TRIM55: variants seen among roughly 807,000 people sequenced by gnomAD.
TRIM55 encodes tripartite motif containing 55.
Under a neutral mutation model 60.9 loss-of-function variants are expected in TRIM55, and 50 were observed. The observed-to-expected ratio is 0.82, with a 90% confidence interval of 0.65 to 1.04. TRIM55 has a LOEUF of 1.04. Among genes scored for constraint, TRIM55 ranks in the 50% least tolerant of loss-of-function variants. The pLI is 0.00. For missense variants in TRIM55, 681 were observed against 666.9 expected, an observed-to-expected ratio of 1.02 and a Z score of -0.23; for synonymous variants, 237 against 238.1, an observed-to-expected ratio of 1.00 and a Z score of 0.04.
At chr8:66,127,083 C>G, upstream of TRIM55, 1 of 558,070 alleles carries the variant, frequency 1.8e-6, no homozygotes, top group Admixed American at 3.3e-5. Context: ...CCCACCGTCA[C>G]GTGACCGCAG....
chr8:66,169,147 C>A (rs186972467), intron 9 of TRIM55, among the ~76,000 whole-genome samples: 175 of 152,174 alleles, frequency 1.1e-3, no homozygotes, highest in African/African-American at 3.5e-3. Flanking sequence ...AAAATAATGC[C>A]CCCCCACAAA....
chr8:66,133,347 T>C, intron 2 of TRIM55, among the ~76,000 whole-genome samples: 1 of 151,854 alleles, frequency 6.6e-6, no homozygotes. Flanking sequence ...CAAATATTTA[T>C]GGAGCCACTG....
At chr8:66,174,368 ATTG>A in intron 9 of TRIM55, 100 bp from the exon 10 acceptor site, 1 of 860,168 alleles carries the variant, frequency 1.2e-6, no homozygotes, top group Non-Finnish European at 1.6e-6. Flanking sequence ...TATAATAATA[ATTG>A]TTATTATTAT....
intron 9 of TRIM55, among the ~76,000 whole-genome samples, chr8:66,156,479 G>A (rs1043127563): frequency 1.1e-4 from 17 of 152,088 alleles, no homozygotes; most frequent in Non-Finnish European, 2.4e-4. Flanking sequence ...CTTGATTGCT[G>A]TTATGAGGTT....
Position 66,154,198 on chromosome 8 carries a change from G to GCACC in TRIM55, c.1389_1390insACCC (p.Glu464ThrfsTer13). 4 of 1,614,122 alleles carry GCACC rather than the reference G, an allele frequency of 2.5e-6. No homozygotes were observed. Among genetic ancestry groups the GCACC allele is most frequent in the Non-Finnish European group, 2.5e-6 (3 of 1,180,018 alleles). ...ACCAACCCACCTTGCACCCCAGGGA[G>GCACC]CGAAGGTCTGGGGCAAATAGGGCCT... On this transcript the variant is annotated frameshift_variant, in exon 9 of 10. Transcript: ENST00000315962. LOFTEE classifies it high-confidence loss of function.
the TRIM55 span, among the ~76,000 whole-genome samples, chr8:66,114,091 C>CCG: frequency 1.5e-5 from 2 of 137,756 alleles, no homozygotes; most frequent in South Asian, 2.8e-4. Flanking sequence ...CACCCCCCCC[C>CCG]CCATTATTTT....
In TRIM55 at chr8:66,149,702, AT is replaced by A. The variant is rs781573111; in HGVS notation, c.665del (p.Leu222TrpfsTer8). On this transcript the variant is annotated frameshift_variant, in exon 5 of 10. Transcript: ENST00000315962. LOFTEE classifies it high-confidence loss of function. ...TGAGAAGTTTGATTACCTGTATGGCATTTTGGAGGAGAGGAAGAATGAAATG... is the reference window on the plus strand; with the variant it reads ...TGAGAAGTTTGATTACCTGTATGGCATTTGGAGGAGAGGAAGAATGAAATG... Reference protein sequence around the residue: ...LCEKFDYLYGILEERKNEMTQ... With the variant: ...LCEKFDYLYGXLEERKNEMTQ... The A allele has an allele frequency of 6.2e-7, 1 of 1,614,198 alleles. No individual in the cohort carries two copies. The highest frequency in any genetic ancestry group is 8.5e-7 in the Non-Finnish European group (1 of 1,180,018).
intron 1 of TRIM55, 102 bp downstream of exon 1, chr8:66,127,538 A>G (rs1157222407): frequency 1.2e-5 from 17 of 1,426,786 alleles, no homozygotes; most frequent in Middle Eastern, 2.0e-4. Flanking sequence ...AAAAAACTTT[A>G]TAAGGTTGCC....
intron 2 of TRIM55, among the ~76,000 whole-genome samples, chr8:66,129,934 A>G (rs1405534740): frequency 1.3e-5 from 2 of 152,238 alleles, no homozygotes. Context: ...TACCACAAAT[A>G]TTCTTACGTA....
At chr8:66,115,409 C>A in the TRIM55 span, among the ~76,000 whole-genome samples, 1 of 152,122 alleles carries the variant, frequency 6.6e-6, no homozygotes, top group East Asian at 1.9e-4. Context: ...ATTATTTTAT[C>A]AGATGACATG....
chr8:66,117,851 G>A, the TRIM55 span, among the ~76,000 whole-genome samples: 4 of 152,248 alleles, frequency 2.6e-5, no homozygotes, highest in African/African-American at 7.2e-5. Flanking sequence ...CATATGTAAT[G>A]AGTGTTTCTT....
At chr8:66,138,601 G>C (rs1479583277) in intron 4 of TRIM55, among the ~76,000 whole-genome samples, 1 of 152,204 alleles carries the variant, frequency 6.6e-6, no homozygotes, top group Non-Finnish European at 1.5e-5. Context: ...CTGTTGGCCA[G>C]GCTGGTCTCA....
chr8:66,174,497 G>A lies in TRIM55; in HGVS notation c.1551G>A (p.Gln517=). ...SQIGFEAPPL[Q]GQAAAPASGS... ...TTGGATTTGAGGCTCCTCCCCTCCA[G>A]GGACAGGCTGCAGCTCCAGCGAGTG... Residue 517 remains glutamine (Q), a synonymous_variant, in exon 10 of 10, where the codon CAG becomes CAA. Coordinates refer to ENST00000315962, the MANE Select transcript of TRIM55 (RefSeq NM_184085.2). 3.1e-6 allele frequency: 5 copies of A among 1,612,304 alleles called. No individual in the cohort carries two copies. The highest frequency in any genetic ancestry group is 2.2e-5 in the South Asian group (2 of 90,798).
chr8:66,143,582 G>GT (rs1343519648), intron 4 of TRIM55, among the ~76,000 whole-genome samples: 477 of 143,972 alleles, frequency 3.3e-3, no homozygotes, highest in East Asian at 0.01. Context: ...TGGTTTTTGG[G>GT]TTTTTTTTTT....
chr8:66,161,113 G>A (rs1811026693), intron 9 of TRIM55, among the ~76,000 whole-genome samples: 1 of 151,838 alleles, frequency 6.6e-6, no homozygotes. Flanking sequence ...TGTCTAGAAG[G>A]GTTTTTCTGA....
intron 9 of TRIM55, among the ~76,000 whole-genome samples, chr8:66,161,489 G>A (rs1215343950): frequency 6.6e-6 from 1 of 152,034 alleles, no homozygotes; most frequent in Non-Finnish European, 1.5e-5. Flanking sequence ...TTTTTGCTTA[G>A]TCTTTCTTTG....
At chr8:66,140,105 G>A (rs1000383049) in intron 4 of TRIM55, among the ~76,000 whole-genome samples, 4 of 152,146 alleles carry the variant, frequency 2.6e-5, no homozygotes, top group Non-Finnish European at 4.4e-5. Flanking sequence ...AACCTAAGTG[G>A]GCAGTAGGCT....
intron 9 of TRIM55, among the ~76,000 whole-genome samples, chr8:66,160,991 ATTTC>A (rs1242429658): frequency 1.3e-5 from 2 of 151,080 alleles, no homozygotes; most frequent in Non-Finnish European, 3.0e-5. Context: ...CTCTGCTGAT[ATTTC>A]TTTGGCTGTG....
upstream of TRIM55, among the ~76,000 whole-genome samples, chr8:66,122,354 G>T (rs1044562220): frequency 2.0e-5 from 3 of 152,044 alleles, no homozygotes; most frequent in African/African-American, 7.3e-5. Flanking sequence ...CCCCCTCCCC[G>T]CTTCGAATCT....
Sources: gnomAD v4.1 joint callset for allele counts (sites outside exome capture counted in the v4.1 genomes callset) on GRCh38, gnomAD v4.1.1 for gene constraint, MANE v1.5 for transcripts, NCBI Gene and HGNC (gene_info 2026-07-23, HGNC 2026-07-21) for gene names.